The following HS3ST4 variants were observed in gnomAD, a reference collection of about 807,000 sequenced individuals.
HS3ST4 encodes the protein heparan sulfate glucosamine 3-O-sulfotransferase 4.
A neutral mutation model predicts 29.2 loss-of-function variants in HS3ST4; 17 were observed. That is an observed-to-expected ratio of 0.58 (90% CI 0.40 to 0.87). HS3ST4 has a LOEUF of 0.87. Ranked by LOEUF, HS3ST4 falls within the 40% of genes least tolerant of loss-of-function variation. The pLI is 0.00. For missense variants in HS3ST4, 627 were observed against 634.5 expected, an observed-to-expected ratio of 0.99 and a Z score of 0.13; for synonymous variants, 314 against 285.7, an observed-to-expected ratio of 1.10 and a Z score of -1.00.
intron 1 of HS3ST4, among the ~76,000 whole-genome samples, chr16:26,001,841 G>A (rs1295763079): frequency 6.6e-6 from 1 of 152,018 alleles, no homozygotes; most frequent in Non-Finnish European, 1.5e-5. Flanking sequence ...GAGACAACCT[G>A]GAAGGGGGAA....
chr16:25,827,383 C>G (rs932651032), intron 1 of HS3ST4, among the ~76,000 whole-genome samples: 3 of 152,078 alleles, frequency 2.0e-5, no homozygotes, highest in African/African-American at 7.2e-5. Context: ...TGTCTATGAC[C>G]CAGGCAGATG....
chr16:25,988,842 A>G (rs1013666876), intron 1 of HS3ST4, among the ~76,000 whole-genome samples: 2 of 152,124 alleles, frequency 1.3e-5, no homozygotes, highest in Non-Finnish European at 2.9e-5. Context: ...AAACCTGCAC[A>G]TGTACCCCTG....
chr16:25,790,221 G>A (rs1205610450), intron 1 of HS3ST4, among the ~76,000 whole-genome samples: 1 of 152,064 alleles, frequency 6.6e-6, no homozygotes, highest in African/African-American at 2.4e-5. Context: ...GACCACCGTG[G>A]CCAACATGGT....
intron 1 of HS3ST4, among the ~76,000 whole-genome samples, chr16:25,785,770 C>G (rs1300416508): frequency 6.6e-6 from 1 of 152,082 alleles, no homozygotes; most frequent in Non-Finnish European, 1.5e-5. Flanking sequence ...ACCCAAAAGT[C>G]CATTTGTGTA....
At chr16:25,880,076 C>G (rs144775813) in intron 1 of HS3ST4, among the ~76,000 whole-genome samples, 118 of 152,258 alleles carry the variant, frequency 7.7e-4, no homozygotes, top group African/African-American at 2.7e-3. Flanking sequence ...GCAGCCAAAC[C>G]AGATTAAGTG....
chr16:25,862,288 G>A (rs1354844513), intron 1 of HS3ST4, among the ~76,000 whole-genome samples: 1 of 152,000 alleles, frequency 6.6e-6, no homozygotes, highest in Non-Finnish European at 1.5e-5. Flanking sequence ...CACCTCTCAG[G>A]TTCAAGCTAT....
chr16:25,856,819 G>A (rs1967578215), intron 1 of HS3ST4, among the ~76,000 whole-genome samples: 2 of 152,060 alleles, frequency 1.3e-5, no homozygotes, highest in African/African-American at 2.4e-5. Flanking sequence ...TTCCTGAGTC[G>A]TATTCTTTAA....
At chr16:25,762,552 C>G (rs796803913) in intron 1 of HS3ST4, among the ~76,000 whole-genome samples, 1 of 152,094 alleles carries the variant, frequency 6.6e-6, no homozygotes, top group African/African-American at 2.4e-5. Flanking sequence ...GGGAAGCTGA[C>G]TGAAAATGCC....
chr16:26,116,010 C>T (rs1899197045), intron 1 of HS3ST4, among the ~76,000 whole-genome samples: 1 of 152,212 alleles, frequency 6.6e-6, no homozygotes, highest in Non-Finnish European at 1.5e-5. Context: ...TTTATGTTCT[C>T]ACAGTTTCTA....
chr16:25,934,423 T>G (rs1182201274), intron 1 of HS3ST4, among the ~76,000 whole-genome samples: 1 of 152,124 alleles, frequency 6.6e-6, no homozygotes, highest in Non-Finnish European at 1.5e-5. Flanking sequence ...TAATGGACAA[T>G]GAAGGGAGGT....
chr16:25,868,044 A>G (rs1967713721), intron 1 of HS3ST4, among the ~76,000 whole-genome samples: 1 of 152,158 alleles, frequency 6.6e-6, no homozygotes, highest in South Asian at 2.1e-4. Flanking sequence ...TTAAGGCAGT[A>G]AGAAAATAAG....
At chr16:25,941,616 A>G (rs919943523) in intron 1 of HS3ST4, among the ~76,000 whole-genome samples, 1 of 151,584 alleles carries the variant, frequency 6.6e-6, no homozygotes, top group Non-Finnish European at 1.5e-5. Context: ...TTGCTCTGTC[A>G]CCCAGGCTGG....
In HS3ST4 at chr16:25,846,918, T is replaced by G. The variant is rs1370650850; in HGVS notation, c.734+153767T>G. 2.0e-5 allele frequency among the ~76,000 whole-genome samples: 3 copies of G among 152,100 alleles called. No individual in the cohort carries two copies. The East Asian group carries it at 5.8e-4, about 29-fold the overall frequency. On this transcript the variant is annotated intron_variant, in intron 1 of 1. Transcript: ENST00000331351. The stretch of plus-strand genomic sequence containing the variant: ...CCACTCATTCATCTCTGTACTGGAA[T>G]CCTATTCTTTTAATTACTACAGCTT...
intron 1 of HS3ST4, among the ~76,000 whole-genome samples, chr16:25,909,546 A>T (rs1968215397): frequency 6.6e-6 from 1 of 152,172 alleles, no homozygotes; most frequent in Non-Finnish European, 1.5e-5. Context: ...GGAGCACAGG[A>T]GTCTTATCCA....
At chr16:25,987,254 G>A (rs984722592) in intron 1 of HS3ST4, among the ~76,000 whole-genome samples, 1 of 152,102 alleles carries the variant, frequency 6.6e-6, no homozygotes, top group African/African-American at 2.4e-5. Context: ...GGAAGCTGAG[G>A]CAGGAGAATC....
intron 1 of HS3ST4, among the ~76,000 whole-genome samples, chr16:25,976,181 T>C (rs1968941656): frequency 6.6e-6 from 1 of 152,262 alleles, no homozygotes; most frequent in African/African-American, 2.4e-5. Flanking sequence ...CGTGATCCCG[T>C]ATATGACTTT....
At chr16:25,895,413 T>C (rs1806851097) in intron 1 of HS3ST4, among the ~76,000 whole-genome samples, 1 of 152,122 alleles carries the variant, frequency 6.6e-6, no homozygotes, top group Non-Finnish European at 1.5e-5. Flanking sequence ...AGAGTTGTTT[T>C]AGAAAGATCA....
intron 1 of HS3ST4, among the ~76,000 whole-genome samples, chr16:25,909,922 A>G (rs1465069384): frequency 6.6e-6 from 1 of 152,038 alleles, no homozygotes; most frequent in African/African-American, 2.4e-5. Flanking sequence ...CTGGAGTGCA[A>G]TGGCTTGATC....
chr16:25,927,471 T>G (rs1968416215), intron 1 of HS3ST4, among the ~76,000 whole-genome samples: 1 of 152,244 alleles, frequency 6.6e-6, no homozygotes. Context: ...CTCTTCTGCC[T>G]GCATTCTCTT....
Sources: allele counts gnomAD v4.1 joint callset (sites outside exome capture counted in the v4.1 genomes callset), GRCh38; gene constraint gnomAD v4.1.1; transcripts MANE v1.5; gene names NCBI Gene and HGNC (gene_info 2026-07-23, HGNC 2026-07-21).